The following SMARCAD1 variants were observed in gnomAD, a reference collection of about 807,000 sequenced individuals.
SMARCAD1 encodes the protein SWI/SNF-related matrix-associated actin-dependent regulator of chromatin subfamily A containing DEAD/H box 1.
A neutral mutation model predicts 127.1 loss-of-function variants in SMARCAD1; 25 were observed. The observed-to-expected ratio is 0.20, with a 90% CI of 0.14 to 0.27. The LOEUF (loss-of-function observed/expected upper bound fraction) is 0.27, where lower values mean the gene tolerates loss of function less well. SMARCAD1 is among the 10% of genes least tolerant of loss of function. SMARCAD1 has a pLI of 1.00. For synonymous variants in SMARCAD1, 400 were observed against 396.9 expected (o/e 1.01, Z -0.09); for missense variants, 807 against 1,206.0 (o/e 0.67, Z 4.90).
chr4:94,208,052 C>T lies in SMARCAD1; in HGVS notation c.-68C>T, dbSNP rs1323318779. 15 of 474,076 alleles carry T rather than the reference C, an allele frequency of 3.2e-5. No individual in the cohort carries two copies. Among genetic ancestry groups the T allele is most frequent in the African/African-American group, 2.7e-4 (14 of 51,210 alleles). The allele number at this position is 474,076 out of a possible 1,614,324, so 29.4% of individuals were successfully genotyped here. A position where few individuals can be genotyped will look rare whatever the true frequency, so the allele number is the denominator to read the frequency against. On this transcript the variant is annotated 5_prime_UTR_variant, in exon 1 of 24. The change creates a new upstream start codon in the 5' untranslated region. Transcript: ENST00000354268. Reference sequence around the variant, plus strand: ...CCCGCTAGGGGGTTATACTGGGGAACGTGCCTGCGCGTGCTTGGGTAAGAG... The same window carrying T: ...CCCGCTAGGGGGTTATACTGGGGAATGTGCCTGCGCGTGCTTGGGTAAGAG...
At chr4:94,221,294 C>T (rs896483738) in intron 2 of SMARCAD1, among the ~76,000 whole-genome samples, 14 of 152,092 alleles carry the variant, frequency 9.2e-5, no homozygotes, top group Non-Finnish European at 5.9e-5. Flanking sequence ...CTAGTATTTT[C>T]CAAATGACCA....
At chr4:94,258,725 A>G (rs1221690061) in intron 9 of SMARCAD1, among the ~76,000 whole-genome samples, 1 of 152,242 alleles carries the variant, frequency 6.6e-6, no homozygotes, top group Non-Finnish European at 1.5e-5. Context: ...AACAGCTTAC[A>G]TATCTGTAAG....
At chr4:94,284,354 G>GAAAAGA (rs1553922059) in intron 22 of SMARCAD1, among the ~76,000 whole-genome samples, 1 of 102,836 alleles carries the variant, frequency 9.7e-6, no homozygotes, top group African/African-American at 3.8e-5. Context: ...AAAAAAAAAA[G>GAAAAGA]AAAAAAGTAA....
intron 6 of SMARCAD1, among the ~76,000 whole-genome samples, chr4:94,243,725 T>TA (rs1212090873): frequency 6.6e-6 from 1 of 152,186 alleles, no homozygotes; most frequent in Non-Finnish European, 1.5e-5. Flanking sequence ...CCAAGCCACA[T>TA]AAAACACACA....
intron 9 of SMARCAD1, among the ~76,000 whole-genome samples, chr4:94,260,347 A>T (rs147236637): frequency 0.011 from 1,731 of 151,450 alleles, 35 homozygotes; most frequent in African/African-American, 0.04. Flanking sequence ...TTTTTATTTT[A>T]TTTTTTTTTA....
At chr4:94,274,030 G>A (rs1752916464) in intron 12 of SMARCAD1, among the ~76,000 whole-genome samples, 1 of 152,122 alleles carries the variant, frequency 6.6e-6, no homozygotes, top group Non-Finnish European at 1.5e-5. Flanking sequence ...TTTAAATGTA[G>A]AATTAAACAG....
intron 9 of SMARCAD1, 125 bp from the exon 10 acceptor site, chr4:94,264,582 G>A: frequency 2.8e-6 from 2 of 719,612 alleles, no homozygotes; most frequent in Non-Finnish European, 4.5e-6. Context: ...TCTCTTAGTA[G>A]TTGACTATAA....
intron 2 of SMARCAD1, among the ~76,000 whole-genome samples, chr4:94,215,677 T>TAAATGTG (rs1415295657): frequency 6.6e-6 from 1 of 152,086 alleles, no homozygotes; most frequent in Non-Finnish European, 1.5e-5. Flanking sequence ...TCATTGTCAC[T>TAAATGTG]TCACCCTACA....
At chr4:94,228,686 A>G (rs914186417) in intron 3 of SMARCAD1, among the ~76,000 whole-genome samples, 2 of 151,248 alleles carry the variant, frequency 1.3e-5, no homozygotes, top group African/African-American at 4.8e-5. Flanking sequence ...GTAGTTGTTT[A>G]CGTTCTGTTG....
intron 21 of SMARCAD1, among the ~76,000 whole-genome samples, chr4:94,282,339 G>A (rs1295310329): frequency 1.3e-5 from 2 of 150,894 alleles, no homozygotes; most frequent in African/African-American, 2.4e-5. Flanking sequence ...CTCGTGATCC[G>A]CCCGCCTCGG....
intron 2 of SMARCAD1, among the ~76,000 whole-genome samples, chr4:94,215,249 G>A (rs529285661): frequency 6.2e-4 from 94 of 152,248 alleles, no homozygotes; most frequent in South Asian, 1.5e-3. Flanking sequence ...TAGTTAAAGG[G>A]TTAGTGCTGA....
intron 12 of SMARCAD1, 70 bp from the exon 13 acceptor site, chr4:94,274,668 T>A: frequency 7.2e-7 from 1 of 1,383,094 alleles, no homozygotes; most frequent in Non-Finnish European, 1.0e-6. Flanking sequence ...TGTCAAAGTT[T>A]AGTGTTAATT....
chr4:94,242,948 C>T (rs955776444), intron 6 of SMARCAD1, among the ~76,000 whole-genome samples: 7 of 152,208 alleles, frequency 4.6e-5, no homozygotes, highest in South Asian at 2.1e-4. Context: ...GATTTCTTCC[C>T]TCTTTATCAG....
chr4:94,276,219 C>T, intron 14 of SMARCAD1, 120 bp from the exon 15 acceptor site: 1 of 1,012,948 alleles, frequency 9.9e-7, no homozygotes, highest in Non-Finnish European at 1.5e-6. Context: ...TAGTGCTGTG[C>T]TTTAAGTACT....
intron 23 of SMARCAD1, among the ~76,000 whole-genome samples, chr4:94,286,215 T>A (rs1754917131): frequency 1.3e-5 from 2 of 151,982 alleles, no homozygotes; most frequent in African/African-American, 4.8e-5. Flanking sequence ...GGAGGGAGGT[T>A]TGTTCTCTTA....
chr4:94,256,982 G>A (rs1416934858), intron 9 of SMARCAD1, among the ~76,000 whole-genome samples: 2 of 152,264 alleles, frequency 1.3e-5, no homozygotes, highest in East Asian at 3.9e-4. Context: ...CTTTTAAACA[G>A]TTTCCTCCTT....
Position 94,289,819 on chromosome 4 carries a change from A to G in SMARCAD1, c.*285A>G. 1 of 530,462 alleles carries G rather than the reference A, an allele frequency of 1.9e-6. No individual in the cohort carries two copies. The highest frequency in any genetic ancestry group is 3.6e-6 in the Non-Finnish European group (1 of 277,072). 32.9% of individuals were successfully genotyped at this position (530,462 alleles called of 1,614,324 possible). On this transcript the variant is annotated 3_prime_UTR_variant, in exon 24 of 24. Coordinates refer to ENST00000354268, the MANE Select transcript of SMARCAD1 (RefSeq NM_020159.5). Reference sequence around the variant, plus strand: ...GGATTAGTTGGTGATTGTTTGTAACAAATATGCTAATGCTTTAGAAATGTC... The same window carrying G: ...GGATTAGTTGGTGATTGTTTGTAACGAATATGCTAATGCTTTAGAAATGTC...
At chr4:94,270,096 G>GA (rs1256560853) in intron 10 of SMARCAD1, among the ~76,000 whole-genome samples, 2 of 151,224 alleles carry the variant, frequency 1.3e-5, no homozygotes, top group African/African-American at 2.4e-5. Flanking sequence ...GATGTTCACT[G>GA]TCTTTTAGCA....
chr4:94,248,271 T>C (rs961048066), intron 6 of SMARCAD1, among the ~76,000 whole-genome samples: 1 of 152,246 alleles, frequency 6.6e-6, no homozygotes, highest in Non-Finnish European at 1.5e-5. Flanking sequence ...ACTTCATTCT[T>C]TTTTATGACT....
Sources: gnomAD v4.1 joint callset for allele counts (sites outside exome capture counted in the v4.1 genomes callset) on GRCh38, gnomAD v4.1.1 for gene constraint, MANE v1.5 for transcripts, NCBI Gene and HGNC (gene_info 2026-07-23, HGNC 2026-07-21) for gene names.